KLHL25: variants seen among roughly 807,000 people sequenced by gnomAD.
KLHL25 encodes the protein kelch-like protein 25.
KLHL25 carries 41 observed loss-of-function variants against 30.0 expected under a neutral mutation model. The ratio of observed to expected loss-of-function variants is 1.37; its 90% CI spans 1.07 to 1.78. KLHL25 has a LOEUF of 1.78. Among genes scored for constraint, KLHL25 ranks in the 40% most tolerant of loss-of-function variants. The probability of loss-of-function intolerance (pLI) is 0.00; values close to 1 mark genes in which losing one functional copy is unlikely to be tolerated. For missense variants in KLHL25, 971 were observed against 824.5 expected (o/e 1.18, Z -2.18); for synonymous variants, 399 against 355.3 (o/e 1.12, Z -1.38).
intron 2 of KLHL25, among the ~76,000 whole-genome samples, chr15:85,767,284 C>T (rs1329782539): frequency 6.6e-6 from 1 of 152,108 alleles, no homozygotes; most frequent in South Asian, 2.1e-4. Flanking sequence ...CCACTGTGCC[C>T]GGCCAGGACT....
chr15:85,792,184 G>A (rs1023295103), intron 1 of KLHL25, among the ~76,000 whole-genome samples: 1 of 152,168 alleles, frequency 6.6e-6, no homozygotes, highest in Non-Finnish European at 1.5e-5. Flanking sequence ...GCTGCTGATT[G>A]ATAAGTCCTG....
At chr15:85,791,497 A>G (rs144633352) in intron 1 of KLHL25, among the ~76,000 whole-genome samples, 3 of 152,316 alleles carry the variant, frequency 2.0e-5, no homozygotes, top group Admixed American at 2.0e-4. Flanking sequence ...TCCTTCTCAA[A>G]AGAAAAAAAG....
Position 85,769,568 on chromosome 15 carries a change from C to G in KLHL25, c.243G>C (p.Glu81Asp). The change falls in exon 2 of 3, where the codon GAG becomes GAC. Residue 81 changes from glutamate (E) to aspartate (D), a missense_variant. By Grantham distance (45) the Glu-to-Asp change is conservative. Coordinates refer to ENST00000337975, the MANE Select transcript of KLHL25 (RefSeq NM_022480.4). ...FEAMFSHGLR[E>D]SRDDTVNFQD... ...GGAAGTTGACAGTGTCATCCCGGCT[C>G]TCCCGAAGGCCATGGCTGAACATGG... The G allele has an allele frequency of 6.2e-7, 1 of 1,613,812 alleles. No homozygotes were observed. The highest frequency in any genetic ancestry group is 8.5e-7 in the Non-Finnish European group (1 of 1,180,044).
chr15:85,785,109 T>C (rs1394562155), intron 1 of KLHL25, among the ~76,000 whole-genome samples: 9 of 150,910 alleles, frequency 6.0e-5, no homozygotes, highest in South Asian at 2.1e-4. Context: ...TTTTTTTTTT[T>C]CTGAGACAGT....
rs116283939 is a variant in KLHL25 at position 85,776,603 on chromosome 15, A to T, written c.-10-6783T>A. ...TATTTTTCAATGTGCATATTTATTT[A>T]GTTTGGTTTTGTTTCATCTTTTTAT... On this transcript the variant is annotated intron_variant, in intron 1 of 2. Coordinates refer to ENST00000337975, the MANE Select transcript of KLHL25 (RefSeq NM_022480.4). Among the ~76,000 whole-genome samples the T allele has an allele frequency of 8.4e-3, 1,271 of 152,212 alleles. 17 individuals are homozygous for T. Among genetic ancestry groups the T allele is most frequent in the African/African-American group, 0.026 (1,090 of 41,516 alleles).
At chr15:85,793,628 C>T (rs1033143968) in intron 1 of KLHL25, among the ~76,000 whole-genome samples, 1 of 152,202 alleles carries the variant, frequency 6.6e-6, no homozygotes, top group East Asian at 1.9e-4. Context: ...GGCCCCATAA[C>T]GGTCACTGGA....
chr15:85,765,256 G>C (rs949298308), intron 2 of KLHL25, among the ~76,000 whole-genome samples: 1 of 152,158 alleles, frequency 6.6e-6, no homozygotes, highest in Non-Finnish European at 1.5e-5. Flanking sequence ...GGAGATGCCA[G>C]TATCCTCTTG....
At chr15:85,788,193 C>T (rs761517320) in intron 1 of KLHL25, among the ~76,000 whole-genome samples, 41 of 152,182 alleles carry the variant, frequency 2.7e-4, no homozygotes, top group Non-Finnish European at 4.4e-4. Context: ...GGTCTGGCAC[C>T]TCTCTGTGCC....
At position 85,768,092 on chromosome 15, in the gene KLHL25, G is replaced by T; in HGVS notation, c.1719C>A (p.Tyr573Ter). The T allele has an allele frequency of 1.2e-6, 2 of 1,614,222 alleles. No homozygotes were observed. Among genetic ancestry groups the T allele is most frequent in the Non-Finnish European group, 1.7e-6 (2 of 1,180,040 alleles). Residue 573 changes from tyrosine to a stop codon, truncating the protein, a stop_gained, in exon 2 of 3, where the codon TAC (tyrosine) becomes TAA (stop). Coordinates refer to ENST00000337975, the MANE Select transcript of KLHL25 (RefSeq NM_022480.4). LOFTEE classifies it low-confidence loss of function (END_TRUNC). ...TGACAAAGGCCGTGGGGATAAGTGAGTAGGGCACTGTGGTGATGCAGTTCC... is the reference window on the plus strand; with the variant it reads ...TGACAAAGGCCGTGGGGATAAGTGATTAGGGCACTGTGGTGATGCAGTTCC... ...DTWNCITTVPYSLIPTAFVST... is the reference protein window; with the variant it reads ...DTWNCITTVP
intron 1 of KLHL25, among the ~76,000 whole-genome samples, chr15:85,776,203 T>G (rs1484769395): frequency 4.4e-5 from 6 of 136,902 alleles, no homozygotes; most frequent in African/African-American, 1.4e-4. Flanking sequence ...AAGAAAGAAA[T>G]GCAGGCAGGG....
chr15:85,781,666 T>G (rs902152697), intron 1 of KLHL25, among the ~76,000 whole-genome samples: 1 of 152,056 alleles, frequency 6.6e-6, no homozygotes, highest in African/African-American at 2.4e-5. Flanking sequence ...CTATTTTTAG[T>G]AGAGACGGGG....
rs186707275 is a variant in KLHL25 at position 85,765,695 on chromosome 15, G to A, written c.*24+2322C>T. Reference sequence around the variant, plus strand: ...TAAAAGAAAAAAGCAAGCCAGATGCGGTGGCACACGTCTGTAATCCCAGCT... The same window carrying A: ...TAAAAGAAAAAAGCAAGCCAGATGCAGTGGCACACGTCTGTAATCCCAGCT... On this transcript the variant is annotated intron_variant, in intron 2 of 2. Transcript: ENST00000337975. Among the ~76,000 whole-genome samples the A allele has an allele frequency of 1.9e-3, 290 of 151,446 alleles. 1 individual carries two copies. Among genetic ancestry groups the A allele is most frequent in the African/African-American group, 6.6e-3 (273 of 41,306 alleles).
At position 85,789,217 on chromosome 15, in the gene KLHL25, T is replaced by C. The variant is rs2089800478; in HGVS notation, c.-11+5549A>G. Among the ~76,000 whole-genome samples the C allele has an allele frequency of 6.6e-6, 1 of 152,154 alleles. No individual in the cohort carries two copies. The highest frequency in any genetic ancestry group is 2.4e-5 in the African/African-American group (1 of 41,434). On this transcript the variant is annotated intron_variant, in intron 1 of 2. Coordinates refer to ENST00000337975, the MANE Select transcript of KLHL25 (RefSeq NM_022480.4). This position sits in a 1 kb window ranked among gnomAD's most constrained non-coding sequence, Gnocchi z 4.1. ...GGTGGAAGGCTCCTCCTGGCAGAGA[T>C]GGGTGGGGAGTGACACCTAAGGTGA...
intron 1 of KLHL25, among the ~76,000 whole-genome samples, chr15:85,774,866 TC>T: frequency 6.9e-6 from 1 of 144,394 alleles, no homozygotes; most frequent in East Asian, 2.0e-4. Context: ...GCAGTGCGAT[TC>T]TTTTTTTCTT....
At position 85,789,366 on chromosome 15, in the gene KLHL25, T is replaced by G. The variant is rs2089801493; in HGVS notation, c.-11+5400A>C. Among the ~76,000 whole-genome samples, 1 of 149,804 alleles carries G rather than the reference T, an allele frequency of 6.7e-6. No homozygotes were observed. Among genetic ancestry groups the G allele is most frequent in the African/African-American group, 2.4e-5 (1 of 40,936 alleles). On this transcript the variant is annotated intron_variant, in intron 1 of 2. Coordinates refer to ENST00000337975, the MANE Select transcript of KLHL25 (RefSeq NM_022480.4). The surrounding 1 kb of genome is among the most constrained non-coding windows in gnomAD (Gnocchi z 4.1). ...GGTGCTCAGTCGCCTCCTCCTGCCC[T>G]GCTGGGCTCCCTTGAGATCCCTTTT...
chr15:85,776,701 G>A (rs1307202729), intron 1 of KLHL25, among the ~76,000 whole-genome samples: 3 of 152,124 alleles, frequency 2.0e-5, no homozygotes, highest in South Asian at 2.1e-4. Flanking sequence ...TGAGGTGGGC[G>A]GATCATGAGG....
rs774982860 is a variant in KLHL25 at position 85,769,277 on chromosome 15, C to T, written c.534G>A (p.Thr178=). Residue 178 remains threonine (T), a synonymous_variant, in exon 2 of 3, where the codon ACG becomes ACA. Coordinates refer to ENST00000337975, the MANE Select transcript of KLHL25 (RefSeq NM_022480.4). ...SWRMCLVHFE[T]VRQSEDFNSL... ...TGTTGAAGTCCTCGCTCTGCCTCACCGTCTCAAAGTGCACCAGGCACATGC... is the reference window on the plus strand; with the variant it reads ...TGTTGAAGTCCTCGCTCTGCCTCACTGTCTCAAAGTGCACCAGGCACATGC... 14 of 1,613,982 alleles carry T rather than the reference C, an allele frequency of 8.7e-6. No homozygotes were observed. The highest frequency in any genetic ancestry group is 1.1e-5 in the Non-Finnish European group (13 of 1,180,042).
rs374890104 is a variant in KLHL25 at position 85,768,900 on chromosome 15, G to C, written c.911C>G (p.Thr304Ser). 6.2e-7 allele frequency: 1 copy of C among 1,613,364 alleles called. No homozygotes were observed. Among genetic ancestry groups the C allele is most frequent in the South Asian group, 1.1e-5 (1 of 91,086 alleles). Residue 304 changes from threonine (T) to serine (S), a missense_variant, in exon 2 of 3, where the codon ACC (threonine) becomes AGC (serine). Physicochemically the swap from Thr to Ser is moderately conservative, Grantham distance 58. Transcript: ENST00000337975. ...GHTLLILGGQ[T>S]FMCDKIYQVD... ...CTGGTAGATCTTGTCACACATGAAGGTCTGGCCCCCCAGGATGAGTAGCGT... is the reference window on the plus strand; with the variant it reads ...CTGGTAGATCTTGTCACACATGAAGCTCTGGCCCCCCAGGATGAGTAGCGT...
chr15:85,771,468 TGA>T (rs1484407568), intron 1 of KLHL25, among the ~76,000 whole-genome samples: 1 of 152,240 alleles, frequency 6.6e-6, no homozygotes, highest in Non-Finnish European at 1.5e-5. Flanking sequence ...AAATTGTAAA[TGA>T]GTGTCCGGCT....
Sources: gnomAD v4.1 joint callset for allele counts (sites outside exome capture counted in the v4.1 genomes callset) on GRCh38, gnomAD v4.1.1 for gene constraint, Gnocchi (gnomAD v3.1) non-coding constraint, MANE v1.5 for transcripts, NCBI Gene and HGNC (gene_info 2026-07-23, HGNC 2026-07-21) for gene names.